RFT1: variants seen among roughly 807,000 people sequenced by gnomAD.
RFT1 encodes RFT1 glycolipid translocator homolog, also known as man(5)GlcNAc(2)-PP-dolichol translocation protein RFT1.
RFT1 carries 43 observed loss-of-function variants against 62.2 expected under a neutral mutation model. The observed-to-expected ratio is 0.69, with a 90% CI of 0.54 to 0.89. The LOEUF (loss-of-function observed/expected upper bound fraction) is 0.89. Ranked by LOEUF, RFT1 falls within the 40% of genes least tolerant of loss-of-function variation. The pLI, the probability that RFT1 is intolerant of heterozygous loss-of-function variation, is 0.00. For missense variants in RFT1, 605 were observed against 649.9 expected (o/e 0.93, Z 0.75); for synonymous variants, 262 against 264.6 (o/e 0.99, Z 0.10).
At chr3:53,075,753 G>C in the RFT1 span, among the ~76,000 whole-genome samples, 1 of 152,166 alleles carries the variant, frequency 6.6e-6, no homozygotes, top group African/African-American at 2.4e-5. Flanking sequence ...CCTCTGACCA[G>C]CAATGAAGAG....
downstream of RFT1, among the ~76,000 whole-genome samples, chr3:53,086,477 G>C (rs530806019): frequency 1.8e-4 from 28 of 152,120 alleles, 1 homozygote; most frequent in South Asian, 5.8e-3. Context: ...CACCATGCCC[G>C]GCTAATTTTT....
At chr3:53,120,075 A>C in intron 5 of RFT1, 54 bp from the exon 6 acceptor site, 1 of 1,475,084 alleles carries the variant, frequency 6.8e-7, no homozygotes, top group Non-Finnish European at 9.2e-7. Flanking sequence ...TATGCCTATA[A>C]ATTTGATCTC....
At chr3:53,094,862 C>T (rs1701097262) in intron 11 of RFT1, among the ~76,000 whole-genome samples, 1 of 152,084 alleles carries the variant, frequency 6.6e-6, no homozygotes, top group African/African-American at 2.4e-5. Flanking sequence ...CCATTGTCTG[C>T]CACTAGAAGA....
chr3:53,092,720 G>A (rs1701033646), intron 11 of RFT1, 102 bp from the exon 12 acceptor site: 2 of 1,379,134 alleles, frequency 1.5e-6, no homozygotes, highest in East Asian at 2.5e-5. Context: ...AAGAACCTGA[G>A]CTCCTGGAAT....
the RFT1 span, among the ~76,000 whole-genome samples, chr3:53,075,138 G>C: frequency 2.0e-5 from 3 of 152,172 alleles, no homozygotes; most frequent in Admixed American, 6.5e-5. Context: ...AGAGACAGAG[G>C]CTCAGCTCCA....
At chr3:53,104,974 G>C (rs915049945) in intron 9 of RFT1, among the ~76,000 whole-genome samples, 10 of 152,234 alleles carry the variant, frequency 6.6e-5, no homozygotes, top group Admixed American at 6.5e-4. Context: ...CTATGCCCTT[G>C]ATTAGCCTGG....
chr3:53,118,541 C>G (rs1490934021), intron 6 of RFT1, among the ~76,000 whole-genome samples: 3 of 152,162 alleles, frequency 2.0e-5, no homozygotes, highest in African/African-American at 7.2e-5. Flanking sequence ...TCTGTGAATT[C>G]TGAGACTTAA....
chr3:53,125,211 A>G (rs1347490825), intron 2 of RFT1, among the ~76,000 whole-genome samples: 1 of 152,206 alleles, frequency 6.6e-6, no homozygotes, highest in Admixed American at 6.5e-5. Context: ...TAGACATGAA[A>G]TGCTGTCTGG....
the RFT1 span, among the ~76,000 whole-genome samples, chr3:53,071,444 TA>T: frequency 6.6e-6 from 1 of 152,122 alleles, no homozygotes; most frequent in Non-Finnish European, 1.5e-5. Context: ...TGTATGGGCC[TA>T]CCTATGGGGC....
chr3:53,110,759 A>AAAG (rs1368376942), intron 7 of RFT1, among the ~76,000 whole-genome samples: 1 of 152,192 alleles, frequency 6.6e-6, no homozygotes, highest in Non-Finnish European at 1.5e-5. Context: ...TTTATAATTA[A>AAAG]AAGAAAATTT....
chr3:53,092,174 A>C, intron 12 of RFT1, 104 bp from the exon 13 acceptor site: 2 of 1,476,662 alleles, frequency 1.4e-6, no homozygotes, highest in East Asian at 2.4e-5. Flanking sequence ...AAGTCAGATA[A>C]AAGGCATAAC....
intron 4 of RFT1, 35 bp from the exon 5 acceptor site, chr3:53,121,835 A>G: frequency 6.5e-7 from 1 of 1,547,866 alleles, no homozygotes; most frequent in East Asian, 2.3e-5. Flanking sequence ...GTTTACAAAC[A>G]TCATCAAAAA....
chr3:53,087,503 C>T (rs866635269), downstream of RFT1, among the ~76,000 whole-genome samples: 1 of 151,840 alleles, frequency 6.6e-6, no homozygotes, highest in South Asian at 2.1e-4. Context: ...TCTTCCTCAA[C>T]ATCAAAAGCT....
At chr3:53,093,814 A>G (rs1278998542) in intron 11 of RFT1, among the ~76,000 whole-genome samples, 1 of 152,176 alleles carries the variant, frequency 6.6e-6, no homozygotes, top group Non-Finnish European at 1.5e-5. Flanking sequence ...TGAGCCTAAG[A>G]GTTTCAGATC....
At chr3:53,125,300 T>C (rs1458780268) in intron 2 of RFT1, among the ~76,000 whole-genome samples, 5 of 152,264 alleles carry the variant, frequency 3.3e-5, no homozygotes, top group Admixed American at 6.5e-5. Context: ...TCATTTCATA[T>C]ACTTTGTGTC....
intron 2 of RFT1, 69 bp downstream of exon 2, chr3:53,125,840 G>A (rs1702093159): frequency 8.4e-7 from 1 of 1,189,424 alleles, no homozygotes; most frequent in South Asian, 1.3e-5. Flanking sequence ...TGACAAACAG[G>A]TACAGAGTTT....
chr3:53,123,775 C>CT lies in RFT1; in HGVS notation c.214dup (p.Ser72LysfsTer38). ...GCTCCAGTCTCGCTGGGTGCCCCCA[C>CT]TGAGACATGCTCTGCGGAAGGCCTC... On this transcript the variant is annotated frameshift_variant, in exon 3 of 13. Transcript: ENST00000296292. LOFTEE classifies it high-confidence loss of function. 1 of 1,614,222 alleles carries CT rather than the reference C, an allele frequency of 6.2e-7. No homozygotes were observed. The highest frequency in any genetic ancestry group is 1.3e-5 in the African/African-American group (1 of 75,064).
Position 53,124,361 on chromosome 3 carries a change from T to TGA in RFT1, c.150-523_150-522dup, listed in dbSNP as rs149729654. On this transcript the variant is annotated intron_variant, in intron 2 of 12. Coordinates refer to ENST00000296292, the MANE Select transcript of RFT1 (RefSeq NM_052859.4). The stretch of plus-strand genomic sequence containing the variant: ...ACCTCCCAGGTGGGCAGCACCTGGG[T>TGA]GAGCCTTCCTGCATCTTAGCGAGGA... 3.0e-4 allele frequency among the ~76,000 whole-genome samples: 45 copies of TGA among 152,182 alleles called. No individual in the cohort carries two copies. The East Asian group carries it at 7.7e-3, about 26-fold the overall frequency.
chr3:53,101,922 T>C (rs4395392), intron 10 of RFT1, among the ~76,000 whole-genome samples: 78,287 of 151,706 alleles, frequency 0.52, 21,834 homozygotes, highest in East Asian at 0.73. Flanking sequence ...GCCTGTAATC[T>C]CAGCTACTCG....
Sources: allele counts gnomAD v4.1 joint callset (sites outside exome capture counted in the v4.1 genomes callset), GRCh38; gene constraint gnomAD v4.1.1; transcripts MANE v1.5; gene names NCBI Gene and HGNC (gene_info 2026-07-23, HGNC 2026-07-21).